The following FAM177A1 variants were observed in gnomAD, a reference collection of about 807,000 sequenced individuals.
FAM177A1 encodes the protein protein FAM177A1.
FAM177A1 carries 22 observed loss-of-function variants against 26.1 expected under a neutral mutation model. The observed-to-expected ratio is 0.84, with a 90% CI of 0.60 to 1.20. The LOEUF (loss-of-function observed/expected upper bound fraction) is 1.20, where lower values mean the gene tolerates loss of function less well. Ranked by LOEUF, FAM177A1 falls within the 50% of genes most tolerant of loss-of-function variation. The probability of loss-of-function intolerance (pLI) is 0.00; values close to 1 mark genes in which losing one functional copy is unlikely to be tolerated. For missense variants in FAM177A1, 296 were observed against 291.1 expected (o/e 1.02, Z -0.12); for synonymous variants, 95 against 99.3 (o/e 0.96, Z 0.26).
chr14:35,072,583 C>G (rs947693210), intron 2 of FAM177A1, among the ~76,000 whole-genome samples: 1 of 152,090 alleles, frequency 6.6e-6, no homozygotes, highest in Non-Finnish European at 1.5e-5. Context: ...GTTCTTTTCC[C>G]ACCATTTGCT....
chr14:35,059,283 T>C (rs569403339), intron 2 of FAM177A1, among the ~76,000 whole-genome samples: 11 of 152,180 alleles, frequency 7.2e-5, no homozygotes, highest in African/African-American at 2.6e-4. Context: ...TTACTGTGAA[T>C]CTGTTTGTAT....
In FAM177A1 at chr14:35,077,219, A is replaced by G. The variant is rs773841902; in HGVS notation, c.406+3A>G. The G allele has an allele frequency of 1.9e-6, 3 of 1,613,244 alleles. No homozygotes were observed. Among genetic ancestry groups the G allele is most frequent in the African/African-American group, 1.3e-5 (1 of 74,986 alleles). ...GGCTGCTACATCAACTCTCTCAGGT[A>G]TTGCTTTTCTGCTTGAATATTGTAT... On this transcript the variant is annotated splice_donor_region_variant and intron_variant, in intron 3 of 4. Coordinates refer to ENST00000280987, the MANE Select transcript of FAM177A1 (RefSeq NM_173607.5).
At chr14:35,047,393 C>G (rs927584545) in intron 1 of FAM177A1, among the ~76,000 whole-genome samples, 1 of 152,110 alleles carries the variant, frequency 6.6e-6, no homozygotes, top group African/African-American at 2.4e-5. Flanking sequence ...TCTGGCTGAC[C>G]ACATTTCAAG....
At chr14:35,061,768 T>A (rs1052771538) in intron 2 of FAM177A1, among the ~76,000 whole-genome samples, 2 of 144,872 alleles carry the variant, frequency 1.4e-5, no homozygotes, top group African/African-American at 5.2e-5. Context: ...TATAATAATA[T>A]TAAAAAAAAA....
chr14:35,047,097 C>G, intron 1 of FAM177A1: 1 of 789,120 alleles, frequency 1.3e-6, no homozygotes, highest in African/African-American at 1.9e-5. Context: ...GGGTGTTAGC[C>G]CCATTTCACC....
chr14:35,046,834 G>T, intron 1 of FAM177A1: 11 of 1,358,936 alleles, frequency 8.1e-6, no homozygotes, highest in Non-Finnish European at 1.0e-5. Flanking sequence ...CCCTTGGCTG[G>T]CAGCACAGCA....
intron 2 of FAM177A1, among the ~76,000 whole-genome samples, chr14:35,066,509 A>G (rs2045243778): frequency 6.6e-6 from 1 of 151,116 alleles, no homozygotes; most frequent in East Asian, 2.0e-4. Flanking sequence ...GGATCAAGCA[A>G]TTCTCCTGCC....
chr14:35,053,510 C>T, intron 2 of FAM177A1, 59 bp downstream of exon 2: 2 of 1,545,328 alleles, frequency 1.3e-6, no homozygotes, highest in Non-Finnish European at 1.8e-6. Context: ...TATTTTTTTT[C>T]CCTAAACATT....
chr14:35,067,178 A>G (rs138667173), intron 2 of FAM177A1, among the ~76,000 whole-genome samples: 12 of 152,172 alleles, frequency 7.9e-5, no homozygotes, highest in East Asian at 5.8e-4. Flanking sequence ...TCTTTGACCA[A>G]CATCTCCCCA....
At chr14:35,065,433 CAA>C (rs767439540) in intron 2 of FAM177A1, among the ~76,000 whole-genome samples, 72 of 148,868 alleles carry the variant, frequency 4.8e-4, no homozygotes, top group Non-Finnish European at 8.9e-4. Context: ...TAGAACTAAC[CAA>C]AGACTTCCAC....
chr14:35,079,117 A>G lies in FAM177A1; in HGVS notation c.504+93A>G, dbSNP rs190706618. On this transcript the variant is annotated intron_variant, in intron 4 of 4. Transcript: ENST00000280987. ...AGCCTATGTATTTTCTAACTGCCCAACATGTAGCTCTCTTATGCTAGGCAT... is the reference window on the plus strand; with the variant it reads ...AGCCTATGTATTTTCTAACTGCCCAGCATGTAGCTCTCTTATGCTAGGCAT... 4.5e-4 allele frequency: 365 copies of G among 814,670 alleles called. 1 individual carries two copies. In the African/African-American group the frequency reaches 5.4e-3, roughly 12 times the overall value. 50.5% of individuals were successfully genotyped at this position (814,670 alleles called of 1,614,324 possible). A position where few individuals can be genotyped will look rare whatever the true frequency, so the allele number is the denominator to read the frequency against.
At chr14:35,048,306 G>T (rs555638594) in intron 1 of FAM177A1, among the ~76,000 whole-genome samples, 1 of 152,020 alleles carries the variant, frequency 6.6e-6, no homozygotes, top group Non-Finnish European at 1.5e-5. Context: ...GTAAACACAC[G>T]TGTACTTATA....
rs199920320 is a variant in FAM177A1 at position 35,062,725 on chromosome 14, T to C, written c.339+9274T>C. Among the ~76,000 whole-genome samples, 7 of 150,550 alleles carry C rather than the reference T, an allele frequency of 4.6e-5. No homozygotes were observed. The East Asian group carries it at 1.4e-3, about 29-fold the overall frequency. On this transcript the variant is annotated intron_variant, in intron 2 of 4. Coordinates refer to ENST00000280987, the MANE Select transcript of FAM177A1 (RefSeq NM_173607.5). ...AAGAGGATTGCTTGAGCCCAGGAATTCAAGGCTGCAGTGAGCCATGATCAT... is the reference window on the plus strand; with the variant it reads ...AAGAGGATTGCTTGAGCCCAGGAATCCAAGGCTGCAGTGAGCCATGATCAT...
chr14:35,074,941 G>C (rs2045373109), intron 2 of FAM177A1, among the ~76,000 whole-genome samples: 1 of 151,968 alleles, frequency 6.6e-6, no homozygotes, highest in Non-Finnish European at 1.5e-5. Context: ...TGAGGCTGAG[G>C]CACAAGAGTC....
At chr14:35,057,573 G>T (rs2045081055) in intron 2 of FAM177A1, among the ~76,000 whole-genome samples, 2 of 152,024 alleles carry the variant, frequency 1.3e-5, no homozygotes, top group East Asian at 3.8e-4. Flanking sequence ...TAGAGGCAGG[G>T]TTTCACCATG....
chr14:35,045,295 C>T (rs1199269193), upstream of FAM177A1: 3 of 152,112 alleles, frequency 2.0e-5, no homozygotes, highest in African/African-American at 7.2e-5. Context: ...AGATGGTTTT[C>T]AAATGATTAT....
chr14:35,078,794 G>A (rs773914706), intron 3 of FAM177A1, 133 bp from the exon 4 acceptor site: 2 of 564,164 alleles, frequency 3.5e-6, no homozygotes, highest in Non-Finnish European at 5.8e-6. Context: ...ACAGAAGATA[G>A]ATCTATTAGG....
intron 2 of FAM177A1, among the ~76,000 whole-genome samples, chr14:35,068,163 C>T (rs892570588): frequency 6.6e-6 from 1 of 152,084 alleles, no homozygotes; most frequent in Non-Finnish European, 1.5e-5. Context: ...ATAATTTTTC[C>T]AATATGTATT....
At position 35,081,263 on chromosome 14, in the gene FAM177A1, T is replaced by G. The variant is rs762132442; in HGVS notation, c.*35T>G. On this transcript the variant is annotated 3_prime_UTR_variant, in exon 5 of 5. Transcript: ENST00000280987. ...ACTATCAAGCTTCAAACTCTTAAGT[T>G]TTTTTTTTTTAATACAAAAACTTTC... is the stretch of plus-strand genomic sequence containing the variant. The G allele has an allele frequency of 1.3e-6, 2 of 1,520,876 alleles. No homozygotes were observed. Among genetic ancestry groups the G allele is most frequent in the African/African-American group, 1.4e-5 (1 of 70,038 alleles). The allele number at this position is 1,520,876 out of a possible 1,614,324, so 94.2% of individuals were successfully genotyped here.
Sources: allele counts gnomAD v4.1 joint callset (sites outside exome capture counted in the v4.1 genomes callset), GRCh38; gene constraint gnomAD v4.1.1; transcripts MANE v1.5; gene names NCBI Gene and HGNC (gene_info 2026-07-23, HGNC 2026-07-21).